SEL1L2: variants seen among roughly 807,000 people sequenced by gnomAD.
The protein encoded by SEL1L2 is protein sel-1 homolog 2.
In SEL1L2, 89 loss-of-function variants were observed where a neutral mutation model predicts 98.8. That is an observed-to-expected ratio of 0.90 (90% confidence interval 0.76 to 1.07). The LOEUF (loss-of-function observed/expected upper bound fraction) is 1.07. SEL1L2 is among the 50% of genes least tolerant of loss of function. SEL1L2 has a pLI of 0.00. For missense variants in SEL1L2, 788 were observed against 812.0 expected (o/e 0.97, Z 0.36); for synonymous variants, 262 against 278.5 (o/e 0.94, Z 0.59).
chr20:13,905,717 G>A (rs1448856018), intron 5 of SEL1L2, among the ~76,000 whole-genome samples: 2 of 151,906 alleles, frequency 1.3e-5, no homozygotes, highest in East Asian at 3.9e-4. Flanking sequence ...AAAATGAGAT[G>A]GATTACAGAA....
At chr20:13,855,830 G>A (rs746255689) in intron 18 of SEL1L2, among the ~76,000 whole-genome samples, 1 of 152,242 alleles carries the variant, frequency 6.6e-6, no homozygotes, top group Non-Finnish European at 1.5e-5. Flanking sequence ...GCTAGCAGGT[G>A]GATCCAAAGG....
rs539854034 is a variant in SEL1L2 at position 13,948,735 on chromosome 20, G to T, written c.114+7341C>A. 2.6e-5 allele frequency among the ~76,000 whole-genome samples: 4 copies of T among 152,256 alleles called. No individual in the cohort carries two copies. In the South Asian group the frequency reaches 6.2e-4, roughly 24 times the overall value. On this transcript the variant is annotated intron_variant, in intron 2 of 19. Coordinates refer to ENST00000284951, the MANE Select transcript of SEL1L2 (RefSeq NM_025229.2). ...ATTGTTACTGAAACATCAGGGATTT[G>T]GTCTAGGCCCTACTGCATGCCACAC... is the stretch of plus-strand genomic sequence containing the variant.
chr20:13,990,493 A>G lies in SEL1L2; in HGVS notation c.42T>C (p.Leu14=), dbSNP rs1435581175. 1 of 1,612,448 alleles carries G rather than the reference A, an allele frequency of 6.2e-7. No individual in the cohort carries two copies. The highest frequency in any genetic ancestry group is 2.2e-5 in the East Asian group (1 of 44,872). Residue 14 remains leucine, a synonymous_variant, in exon 1 of 20, where the codon CTT becomes CTC. Transcript: ENST00000284951. ...AAAACTTACTTTTAATTGTGACCCC[A>G]AGAATTATCAATATCTCTATTAACA... ...LSLLIEILII[L]GVTIKTIKAE... is the part of the protein sequence containing the mutation.
chr20:13,913,701 A>T, intron 5 of SEL1L2, 81 bp downstream of exon 5: 1 of 1,255,282 alleles, frequency 8.0e-7, no homozygotes, highest in Non-Finnish European at 1.1e-6. Flanking sequence ...CTGGAATACT[A>T]TTGCTCAACT....
chr20:13,928,816 G>A (rs1329444898), intron 3 of SEL1L2, among the ~76,000 whole-genome samples: 1 of 152,160 alleles, frequency 6.6e-6, no homozygotes, highest in African/African-American at 2.4e-5. Flanking sequence ...GCACAGTGAA[G>A]TTTAATACAC....
chr20:13,849,358 G>T lies in SEL1L2; in HGVS notation c.*127C>A. 8.1e-7 allele frequency: 1 copy of T among 1,234,640 alleles called. No individual in the cohort carries two copies. Among genetic ancestry groups the T allele is most frequent in the Non-Finnish European group, 1.1e-6 (1 of 875,218 alleles). 76.5% of individuals were successfully genotyped at this position (1,234,640 alleles called of 1,614,324 possible). Reference sequence around the variant, plus strand: ...CTAGGATGGTCCCCAAGTCTTGTCTGTTTCCCATCACAGCCCTGAGCGGGA... The same window carrying T: ...CTAGGATGGTCCCCAAGTCTTGTCTTTTTCCCATCACAGCCCTGAGCGGGA... On this transcript the variant is annotated 3_prime_UTR_variant, in exon 20 of 20. Coordinates refer to ENST00000284951, the MANE Select transcript of SEL1L2 (RefSeq NM_025229.2).
At chr20:13,880,844 G>A (rs1194146011) in intron 10 of SEL1L2, among the ~76,000 whole-genome samples, 3 of 151,022 alleles carry the variant, frequency 2.0e-5, no homozygotes, top group African/African-American at 4.9e-5. Context: ...TACGCCCCAG[G>A]TATTACACTA....
chr20:13,964,143 G>C (rs1206448564), intron 1 of SEL1L2, among the ~76,000 whole-genome samples: 1 of 152,044 alleles, frequency 6.6e-6, no homozygotes. Flanking sequence ...CAAAGTGTTG[G>C]GGTTACAGGC....
chr20:13,929,487 CTTTTTTT>C (rs747948529), intron 3 of SEL1L2, among the ~76,000 whole-genome samples: 5 of 73,316 alleles, frequency 6.8e-5, no homozygotes, highest in East Asian at 1.1e-3. Context: ...TTGCCTTTGC[CTTTTTTT>C]TTTTTTTTTT....
chr20:13,907,458 A>T (rs1323513203), intron 5 of SEL1L2, among the ~76,000 whole-genome samples: 4 of 152,130 alleles, frequency 2.6e-5, no homozygotes, highest in Non-Finnish European at 4.4e-5. Flanking sequence ...AGTCCTAGCT[A>T]CTTGGGAGGC....
chr20:13,940,651 G>A (rs183603435), intron 2 of SEL1L2, among the ~76,000 whole-genome samples: 11 of 152,236 alleles, frequency 7.2e-5, no homozygotes, highest in Non-Finnish European at 1.5e-4. Context: ...GTGGGAGCAG[G>A]GGCTGGGCGT....
At chr20:13,960,365 T>C (rs1333883784) in intron 1 of SEL1L2, among the ~76,000 whole-genome samples, 2 of 152,032 alleles carry the variant, frequency 1.3e-5, no homozygotes, top group Non-Finnish European at 2.9e-5. Context: ...AAAGCAGTCA[T>C]CGAAAGTAGG....
At chr20:13,954,996 G>A (rs928225194) in intron 2 of SEL1L2, among the ~76,000 whole-genome samples, 1 of 152,202 alleles carries the variant, frequency 6.6e-6, no homozygotes, top group African/African-American at 2.4e-5. Context: ...GCAATGTACA[G>A]AGGGGTTTTT....
chr20:13,964,768 A>G (rs2050963749), intron 1 of SEL1L2, among the ~76,000 whole-genome samples: 1 of 151,272 alleles, frequency 6.6e-6, no homozygotes, highest in Admixed American at 6.6e-5. Context: ...CCTACTTTAC[A>G]TTCTTGAAAT....
Position 13,850,337 on chromosome 20 carries a change from G to A in SEL1L2, c.1819-18C>T, listed in dbSNP as rs750733078. On this transcript the variant is annotated intron_variant, in intron 18 of 19. Coordinates refer to ENST00000284951, the MANE Select transcript of SEL1L2 (RefSeq NM_025229.2). Reference sequence around the variant, plus strand: ...TGAATGTCCTAGAAGGAGAAGAATAGCCCTACCCATCAGATTCTGTAGGGG... The same window carrying A: ...TGAATGTCCTAGAAGGAGAAGAATAACCCTACCCATCAGATTCTGTAGGGG... 2 of 1,613,594 alleles carry A rather than the reference G, an allele frequency of 1.2e-6. No homozygotes were observed. Among genetic ancestry groups the A allele is most frequent in the Middle Eastern group, 1.7e-4 (1 of 6,058 alleles).
At position 13,984,743 on chromosome 20, in the gene SEL1L2, A is replaced by T. The variant is rs140591794; in HGVS notation, c.58+5734T>A. ...TCCTTTTTTCTTTCTTTTTTGCTAA[A>T]GGGCATTAAATATTTGCTTTTTTTG... On this transcript the variant is annotated intron_variant, in intron 1 of 19. Coordinates refer to ENST00000284951, the MANE Select transcript of SEL1L2 (RefSeq NM_025229.2). Among the ~76,000 whole-genome samples the T allele has an allele frequency of 2.1e-3, 324 of 151,072 alleles. 1 individual carries two copies. The highest frequency in any genetic ancestry group is 7.4e-3 in the African/African-American group (306 of 41,080).
At chr20:13,875,908 C>T in intron 12 of SEL1L2, 130 bp downstream of exon 12, 2 of 722,594 alleles carry the variant, frequency 2.8e-6, no homozygotes, top group Non-Finnish European at 4.9e-6. Flanking sequence ...TTATACTTCT[C>T]CAGGACACAA....
intron 2 of SEL1L2, among the ~76,000 whole-genome samples, chr20:13,937,152 C>A (rs2049492514): frequency 1.3e-5 from 2 of 152,224 alleles, no homozygotes; most frequent in South Asian, 4.1e-4. Context: ...CAAGGCCAAA[C>A]TAAGGATCTT....
chr20:13,918,933 G>A (rs2148227246), intron 4 of SEL1L2, 88 bp downstream of exon 4: 1 of 828,390 alleles, frequency 1.2e-6, no homozygotes, highest in East Asian at 2.5e-5. Context: ...TTATCCCAAT[G>A]AGTTTTAATG....
Sources: allele counts gnomAD v4.1 joint callset (sites outside exome capture counted in the v4.1 genomes callset), GRCh38; gene constraint gnomAD v4.1.1; transcripts MANE v1.5; gene names NCBI Gene and HGNC (gene_info 2026-07-23, HGNC 2026-07-21).